Variants in MACROD1 observed in about 807,000 individuals in gnomAD.
MACROD1 encodes ADP-ribose glycohydrolase MACROD1.
MACROD1 carries 31 observed loss-of-function variants against 41.4 expected under a neutral mutation model. That is an observed-to-expected ratio of 0.75 (90% CI 0.56 to 1.01). The LOEUF is 1.01. MACROD1 is among the 50% of genes least tolerant of loss of function. The pLI is 0.00. For missense variants in MACROD1, 473 were observed against 460.0 expected (o/e 1.03, Z -0.26); for synonymous variants, 252 against 203.4 (o/e 1.24, Z -2.03).
chr11:64,047,631 T>C (rs1943609661), intron 3 of MACROD1, among the ~76,000 whole-genome samples: 1 of 152,098 alleles, frequency 6.6e-6, no homozygotes. Flanking sequence ...GCGCGGTGGC[T>C]TATGCTTGTA....
At chr11:64,056,347 G>T (rs769681473) in intron 3 of MACROD1, among the ~76,000 whole-genome samples, 1 of 152,052 alleles carries the variant, frequency 6.6e-6, no homozygotes, top group Non-Finnish European at 1.5e-5. Context: ...GCCACTCCCC[G>T]CCCAGGCTCT....
intron 3 of MACROD1, among the ~76,000 whole-genome samples, chr11:64,128,783 G>A (rs563369047): frequency 6.8e-6 from 1 of 146,758 alleles, no homozygotes; most frequent in South Asian, 2.1e-4. Context: ...CCCTTCCCAC[G>A]CCTCGCTTGG....
In MACROD1 at chr11:64,053,928, C is replaced by T. The variant is rs375928675; in HGVS notation, c.518-38647G>A. On this transcript the variant is annotated intron_variant, in intron 3 of 10. Coordinates refer to ENST00000255681, the MANE Select transcript of MACROD1 (RefSeq NM_014067.4). ...ATCCCCCCCACCACCTCTGCTGGCCCGGAGTCATCCTTGCATGGCACGGAG... is the reference window on the plus strand; with the variant it reads ...ATCCCCCCCACCACCTCTGCTGGCCTGGAGTCATCCTTGCATGGCACGGAG... Among the ~76,000 whole-genome samples the T allele has an allele frequency of 5.3e-5, 8 of 152,232 alleles. No homozygotes were observed. In the South Asian group the frequency reaches 6.2e-4, roughly 12 times the overall value.
rs145269008 is a variant in MACROD1 at position 64,066,670 on chromosome 11, A to T, written c.518-51389T>A. Among the ~76,000 whole-genome samples the T allele has an allele frequency of 1.6e-4, 25 of 152,210 alleles. No individual in the cohort carries two copies. In the East Asian group the frequency reaches 4.8e-3, roughly 29 times the overall value. ...AAAAAAAAAAAAAAAGAATGTAAATAATCACGCTCCTTCTGAGATGTCTGC... is the reference window on the plus strand; with the variant it reads ...AAAAAAAAAAAAAAAGAATGTAAATTATCACGCTCCTTCTGAGATGTCTGC... On this transcript the variant is annotated intron_variant, in intron 3 of 10. Coordinates refer to ENST00000255681, the MANE Select transcript of MACROD1 (RefSeq NM_014067.4).
chr11:64,057,003 C>T (rs79749451), intron 3 of MACROD1, among the ~76,000 whole-genome samples: 6,599 of 152,286 alleles, frequency 0.043, 211 homozygotes, highest in South Asian at 0.12. Context: ...TCAGCTTCTG[C>T]GCCCGTGTCA....
intron 3 of MACROD1, among the ~76,000 whole-genome samples, chr11:64,145,211 G>A (rs895366874): frequency 2.0e-5 from 3 of 152,150 alleles, no homozygotes; most frequent in African/African-American, 7.2e-5. Flanking sequence ...AAATCTCCCT[G>A]CGAGGTCGGC....
At chr11:64,017,278 T>C (rs1943094710) in intron 3 of MACROD1, among the ~76,000 whole-genome samples, 1 of 152,170 alleles carries the variant, frequency 6.6e-6, no homozygotes, top group Non-Finnish European at 1.5e-5. Context: ...GGCATGAATG[T>C]ACATTTCTGC....
At chr11:64,019,522 G>A (rs1372087954) in intron 3 of MACROD1, among the ~76,000 whole-genome samples, 1 of 152,240 alleles carries the variant, frequency 6.6e-6, no homozygotes, top group Non-Finnish European at 1.5e-5. Context: ...GCTGTCCAGC[G>A]AAAGGGAGAG....
intron 3 of MACROD1, among the ~76,000 whole-genome samples, chr11:64,031,643 A>T (rs1943297082): frequency 1.3e-5 from 2 of 152,064 alleles, no homozygotes; most frequent in South Asian, 4.2e-4. Context: ...CATGCCAGCT[A>T]ATTTTTGTAT....
chr11:64,062,759 C>T (rs1943928617), intron 3 of MACROD1, among the ~76,000 whole-genome samples: 1 of 152,184 alleles, frequency 6.6e-6, no homozygotes, highest in Non-Finnish European at 1.5e-5. Context: ...ATGCCCACCC[C>T]AAAACCAGGC....
intron 3 of MACROD1, among the ~76,000 whole-genome samples, chr11:64,039,722 C>T (rs1943449651): frequency 6.6e-6 from 1 of 152,184 alleles, no homozygotes; most frequent in Admixed American, 6.5e-5. Context: ...TACCATCGCT[C>T]GAGGCCCCCA....
chr11:64,066,911 C>G (rs1233214608), intron 3 of MACROD1, among the ~76,000 whole-genome samples: 1 of 152,222 alleles, frequency 6.6e-6, no homozygotes, highest in Non-Finnish European at 1.5e-5. Context: ...GCTATAGCTC[C>G]GGAGCCCACG....
intron 3 of MACROD1, among the ~76,000 whole-genome samples, chr11:64,063,089 T>A (rs1272853021): frequency 6.6e-6 from 1 of 152,148 alleles, no homozygotes; most frequent in African/African-American, 2.4e-5. Context: ...AGTCTCCATA[T>A]GAGTGGAAAC....
chr11:64,165,897 C>A lies in MACROD1; in HGVS notation c.98G>T (p.Gly33Val), dbSNP rs1285442712. 9.4e-6 allele frequency: 13 copies of A among 1,383,492 alleles called. No individual in the cohort carries two copies. The highest frequency in any genetic ancestry group is 1.2e-5 in the Non-Finnish European group (13 of 1,074,238). The allele number at this position is 1,383,492 out of a possible 1,614,324, so 85.7% of individuals were successfully genotyped here. The change falls in exon 1 of 11, where the codon GGT becomes GTT. Residue 33 changes from glycine to valine, a missense_variant. By Grantham distance (109) the Gly-to-Val change is moderately radical. Coordinates refer to ENST00000255681, the MANE Select transcript of MACROD1 (RefSeq NM_014067.4). ...CGTGCTGCTGCGGGTCCTCGTGGCA[C>A]CCGCCAAGTGTCCGGGCCGGGGGCG... ...PPRPRPGHLA[G>V]ATRTRSSTCG...
rs1410942373 is a variant in MACROD1, at chr11:64,143,877, A to G, written c.517+7362T>C. ...ACCATTTAGCTGTGTGACCTTTAGC[A>G]AGTTGTTTCACATCTCTGAGCCTCC... On this transcript the variant is annotated intron_variant, in intron 3 of 10. Coordinates refer to ENST00000255681, the MANE Select transcript of MACROD1 (RefSeq NM_014067.4). 2.0e-5 allele frequency among the ~76,000 whole-genome samples: 3 copies of G among 151,230 alleles called. No individual in the cohort carries two copies. The East Asian group carries it at 5.9e-4, about 30-fold the overall frequency.
At chr11:64,019,212 T>A (rs1344624241) in intron 3 of MACROD1, among the ~76,000 whole-genome samples, 1 of 152,042 alleles carries the variant, frequency 6.6e-6, no homozygotes, top group Non-Finnish European at 1.5e-5. Flanking sequence ...CCCCATCGGG[T>A]TCCCCCCGCC....
rs145780337 is a variant in MACROD1, at chr11:64,003,154, C to T, written c.548-2811G>A. 1.3e-3 allele frequency among the ~76,000 whole-genome samples: 194 copies of T among 152,276 alleles called. 1 individual carries two copies. In the East Asian group the frequency reaches 0.032, roughly 25 times the overall value. ...GTGGCCAGAAGATGGCCCCTAAGGC[C>T]CCTCTGCCTCCTCCCTGCAGCCCCT... On this transcript the variant is annotated intron_variant, in intron 4 of 10. Transcript: ENST00000255681.
intron 3 of MACROD1, among the ~76,000 whole-genome samples, chr11:64,016,297 G>A (rs549280010): frequency 6.8e-4 from 104 of 152,366 alleles, no homozygotes; most frequent in Non-Finnish European, 1.3e-3. Context: ...GCCTGCGTCC[G>A]TGGTAACTGC....
rs905519106 is a variant in MACROD1 at position 64,146,059 on chromosome 11, C to T, written c.517+5180G>A. On this transcript the variant is annotated intron_variant, in intron 3 of 10. Coordinates refer to ENST00000255681, the MANE Select transcript of MACROD1 (RefSeq NM_014067.4). This position sits in a 1 kb window ranked among gnomAD's most constrained non-coding sequence, Gnocchi z 4.7. ...TGCTAGGATAACAGGCGTGAGCCACCGTGCCTGGCCAAGAATGGGGATCTT... is the reference window on the plus strand; with the variant it reads ...TGCTAGGATAACAGGCGTGAGCCACTGTGCCTGGCCAAGAATGGGGATCTT... Among the ~76,000 whole-genome samples, 19 of 152,262 alleles carry T rather than the reference C, an allele frequency of 1.2e-4. No homozygotes were observed. The highest frequency in any genetic ancestry group is 3.4e-3 in the Middle Eastern group (1 of 294).
Sources: gnomAD v4.1 joint callset for allele counts (sites outside exome capture counted in the v4.1 genomes callset) on GRCh38, gnomAD v4.1.1 for gene constraint, Gnocchi (gnomAD v3.1) non-coding constraint, MANE v1.5 for transcripts, NCBI Gene and HGNC (gene_info 2026-07-23, HGNC 2026-07-21) for gene names.